FAT3: variants seen among roughly 807,000 people sequenced by gnomAD.
FAT3 encodes the protein FAT atypical cadherin 3, also known as protocadherin Fat 3.
A neutral mutation model predicts 310.2 loss-of-function variants in FAT3; 95 were observed. That is an observed-to-expected ratio of 0.31 (90% CI 0.26 to 0.36). The LOEUF (loss-of-function observed/expected upper bound fraction) is 0.36, where lower values mean the gene tolerates loss of function less well. Among genes scored for constraint, FAT3 ranks in the 10% least tolerant of loss-of-function variants. The probability of loss-of-function intolerance (pLI) is 1.00; values close to 1 mark genes in which losing one functional copy is unlikely to be tolerated. For missense variants in FAT3, 5,408 were observed against 5,715.6 expected, an observed-to-expected ratio of 0.95 and a Z score of 1.74; for synonymous variants, 2,314 against 2,192.9, an observed-to-expected ratio of 1.06 and a Z score of -1.54.
At chr11:92,875,246 A>T (rs945593867) in intron 22 of FAT3, among the ~76,000 whole-genome samples, 10 of 143,332 alleles carry the variant, frequency 7.0e-5, no homozygotes, top group East Asian at 4.0e-4. Flanking sequence ...CTCCGAATTT[A>T]AAGTTCTAAA....
chr11:92,582,670 C>A (rs1243961861), intron 3 of FAT3, among the ~76,000 whole-genome samples: 2 of 151,916 alleles, frequency 1.3e-5, no homozygotes, highest in Non-Finnish European at 2.9e-5. Flanking sequence ...AAGCATTATT[C>A]CTGGCTTGGT....
intron 1 of FAT3, among the ~76,000 whole-genome samples, chr11:92,302,254 T>A (rs1217933354): frequency 6.6e-6 from 1 of 152,064 alleles, no homozygotes; most frequent in African/African-American, 2.4e-5. Flanking sequence ...GTAATAATAT[T>A]CAAACCTCCC....
intron 2 of FAT3, among the ~76,000 whole-genome samples, chr11:92,382,144 T>C (rs552353339): frequency 5.8e-4 from 89 of 152,252 alleles, no homozygotes; most frequent in African/African-American, 1.9e-3. Context: ...TTCCTTTGAT[T>C]CCGGATTTTA....
At chr11:92,487,174 T>A (rs1387274470) in intron 2 of FAT3, among the ~76,000 whole-genome samples, 2 of 152,124 alleles carry the variant, frequency 1.3e-5, no homozygotes, top group Non-Finnish European at 2.9e-5. Flanking sequence ...ATATTATTTT[T>A]TTCAAAGTAG....
intron 3 of FAT3, among the ~76,000 whole-genome samples, chr11:92,542,262 A>G (rs935069854): frequency 1.3e-5 from 2 of 152,088 alleles, no homozygotes; most frequent in Non-Finnish European, 2.9e-5. Flanking sequence ...GAAAATGTTC[A>G]TGGCATTGGT....
chr11:92,644,883 G>T (rs1942093970), intron 3 of FAT3, among the ~76,000 whole-genome samples: 3 of 152,122 alleles, frequency 2.0e-5, no homozygotes, highest in Admixed American at 1.3e-4. Context: ...CTTTTGCTGT[G>T]CAAAGCATAA....
intron 2 of FAT3, among the ~76,000 whole-genome samples, chr11:92,488,576 T>A (rs2135226773): frequency 6.6e-6 from 1 of 151,002 alleles, no homozygotes; most frequent in South Asian, 2.1e-4. Flanking sequence ...ACTTTAAGAA[T>A]CAGTTCCTAG....
intron 2 of FAT3, among the ~76,000 whole-genome samples, chr11:92,486,129 G>GTTTTTTTTTTTTTTTTTTTTTTTTT (rs1565353395): frequency 1.1e-4 from 3 of 27,670 alleles, no homozygotes; most frequent in African/African-American, 1.7e-4. Flanking sequence ...AGGCTGCTGG[G>GTTTTTTTTTTTTTTTTTTTTTTTTT]GTTTTTTTTT....
At chr11:92,417,964 GA>G (rs1016117236) in intron 2 of FAT3, among the ~76,000 whole-genome samples, 7 of 152,164 alleles carry the variant, frequency 4.6e-5, no homozygotes, top group African/African-American at 1.7e-4. Flanking sequence ...GGTGCTTAAT[GA>G]ATTCCTGTTG....
chr11:92,714,115 A>T (rs939860765), intron 4 of FAT3, among the ~76,000 whole-genome samples: 2 of 151,818 alleles, frequency 1.3e-5, no homozygotes, highest in Admixed American at 6.6e-5. Context: ...CTTTTTCTTT[A>T]TTTTTTTTAT....
intron 1 of FAT3, among the ~76,000 whole-genome samples, chr11:92,254,251 C>T (rs144357420): frequency 1.5e-3 from 233 of 152,246 alleles, no homozygotes; most frequent in African/African-American, 5.2e-3. Flanking sequence ...GGGCTGTGTT[C>T]TCCACACCCA....
At chr11:92,675,780 G>A (rs750171189) in intron 3 of FAT3, among the ~76,000 whole-genome samples, 22 of 152,158 alleles carry the variant, frequency 1.4e-4, no homozygotes, top group Non-Finnish European at 2.4e-4. Flanking sequence ...AGAACCATTC[G>A]GAGAAAAGTG....
chr11:92,281,217 CTCTG>C (rs1431104708), intron 1 of FAT3, among the ~76,000 whole-genome samples: 1 of 152,026 alleles, frequency 6.6e-6, no homozygotes, highest in Non-Finnish European at 1.5e-5. Context: ...GTACATTACT[CTCTG>C]TATGTTAAGT....
intron 2 of FAT3, among the ~76,000 whole-genome samples, chr11:92,421,145 A>G (rs1437936057): frequency 2.0e-5 from 3 of 152,226 alleles, no homozygotes; most frequent in Non-Finnish European, 4.4e-5. Context: ...AATACTTCCC[A>G]AAGAATAATT....
intron 3 of FAT3, among the ~76,000 whole-genome samples, chr11:92,629,411 C>CTTTTTTTTTTTTTTTTTT: frequency 7.9e-6 from 1 of 126,056 alleles, no homozygotes; most frequent in African/African-American, 3.2e-5. Flanking sequence ...CTTCCCCTAC[C>CTTTTTTTTTTTTTTTTTT]TTTTTTTTTT....
intron 21 of FAT3, among the ~76,000 whole-genome samples, chr11:92,859,915 A>G (rs979518404): frequency 5.3e-5 from 8 of 152,130 alleles, no homozygotes; most frequent in African/African-American, 1.9e-4. Context: ...TAATAATGGT[A>G]ATGGGCCAGG....
intron 4 of FAT3, among the ~76,000 whole-genome samples, chr11:92,705,351 T>A (rs1944243699): frequency 1.9e-5 from 2 of 104,484 alleles, no homozygotes; most frequent in Admixed American, 2.0e-4. Context: ...GTGGTGATGA[T>A]GGTAGTGTGA....
chr11:92,337,103 A>T (rs369652899), intron 1 of FAT3, among the ~76,000 whole-genome samples: 1 of 152,160 alleles, frequency 6.6e-6, no homozygotes, highest in Non-Finnish European at 1.5e-5. Context: ...CAAACCTTTA[A>T]GTTAGCTTAG....
At chr11:92,560,115 A>T (rs1955169005) in intron 3 of FAT3, among the ~76,000 whole-genome samples, 1 of 152,100 alleles carries the variant, frequency 6.6e-6, no homozygotes, top group Non-Finnish European at 1.5e-5. Context: ...CACTCCTTAA[A>T]ACTCATCTGA....
Sources: gnomAD v4.1 joint callset for allele counts (sites outside exome capture counted in the v4.1 genomes callset) on GRCh38, gnomAD v4.1.1 for gene constraint, MANE v1.5 for transcripts, NCBI Gene and HGNC (gene_info 2026-07-23, HGNC 2026-07-21) for gene names.